Variants in PRR16 observed in about 807,000 individuals in gnomAD.
PRR16 encodes proline rich 16, also known as protein Largen.
PRR16 carries 6 observed loss-of-function variants against 18.2 expected under a neutral mutation model. The observed-to-expected ratio is 0.33, with a 90% CI of 0.18 to 0.65. The LOEUF is 0.65. Among genes scored for constraint, PRR16 ranks in the 30% least tolerant of loss-of-function variants. PRR16 has a pLI of 0.74. For synonymous variants in PRR16, 151 were observed against 147.8 expected, an observed-to-expected ratio of 1.02 and a Z score of -0.16; for missense variants, 412 against 376.6, an observed-to-expected ratio of 1.09 and a Z score of -0.78.
chr5:120,643,902 A>G (rs982545473), intron 1 of PRR16, among the ~76,000 whole-genome samples: 1 of 152,028 alleles, frequency 6.6e-6, no homozygotes, highest in African/African-American at 2.4e-5. Flanking sequence ...CTACTCAGGA[A>G]GCTGAGACAG....
chr5:120,489,299 A>T (rs1408930398), intron 1 of PRR16, among the ~76,000 whole-genome samples: 1 of 152,096 alleles, frequency 6.6e-6, no homozygotes, highest in Admixed American at 6.6e-5. Flanking sequence ...GTCTCTTTGT[A>T]GGTCTCTAAG....
intron 1 of PRR16, among the ~76,000 whole-genome samples, chr5:120,471,983 C>A (rs942682036): frequency 6.6e-6 from 1 of 152,090 alleles, no homozygotes; most frequent in Non-Finnish European, 1.5e-5. Context: ...TTTAAACTCC[C>A]AGACCTCACT....
At chr5:120,630,509 T>A (rs1186573636) in intron 1 of PRR16, among the ~76,000 whole-genome samples, 2 of 152,198 alleles carry the variant, frequency 1.3e-5, no homozygotes, top group Non-Finnish European at 2.9e-5. Context: ...ATTGCCAAGA[T>A]GTATAGGTTC....
chr5:120,547,703 T>G (rs1752117760), intron 1 of PRR16, among the ~76,000 whole-genome samples: 1 of 152,098 alleles, frequency 6.6e-6, no homozygotes, highest in African/African-American at 2.4e-5. Context: ...AGTACTTACT[T>G]ATTTGAAAAT....
chr5:120,699,121 CAAATCCTCG>C, the PRR16 span, among the ~76,000 whole-genome samples: 1 of 151,912 alleles, frequency 6.6e-6, no homozygotes, highest in Non-Finnish European at 1.5e-5. Context: ...TGGGTGGGGG[CAAATCCTCG>C]AGCTTGATGT....
At chr5:120,565,908 T>G (rs1207393831) in intron 1 of PRR16, among the ~76,000 whole-genome samples, 1 of 152,218 alleles carries the variant, frequency 6.6e-6, no homozygotes, top group Non-Finnish European at 1.5e-5. Flanking sequence ...CAAATAATTT[T>G]TCCCCTGAAT....
chr5:120,535,109 G>A (rs917648042), intron 1 of PRR16, among the ~76,000 whole-genome samples: 12 of 147,858 alleles, frequency 8.1e-5, no homozygotes, highest in Admixed American at 7.5e-4. Flanking sequence ...GTGTGTAAAA[G>A]CCTATGTGAG....
intron 1 of PRR16, among the ~76,000 whole-genome samples, chr5:120,506,511 T>C (rs2112850698): frequency 6.6e-6 from 1 of 152,194 alleles, no homozygotes; most frequent in Admixed American, 6.6e-5. Flanking sequence ...TGGCTTAAAG[T>C]TATGCTGGCC....
At chr5:120,754,144 T>TAATATATA in the PRR16 span, among the ~76,000 whole-genome samples, 1 of 31,622 alleles carries the variant, frequency 3.2e-5, no homozygotes, top group African/African-American at 1.1e-4. Flanking sequence ...GCTTAATATA[T>TAATATATA]AATATATAAA....
chr5:120,596,507 T>C (rs1374735501), intron 1 of PRR16, among the ~76,000 whole-genome samples: 2 of 151,788 alleles, frequency 1.3e-5, no homozygotes, highest in African/African-American at 4.8e-5. Context: ...TTTCTCTTCA[T>C]TTTTTTAACA....
chr5:120,641,433 G>A (rs1280345068), intron 1 of PRR16, among the ~76,000 whole-genome samples: 2 of 152,008 alleles, frequency 1.3e-5, no homozygotes, highest in East Asian at 3.9e-4. Flanking sequence ...AAGGGCATAG[G>A]AAAGGGAAGA....
chr5:120,467,832 G>A (rs1336645077), intron 1 of PRR16, among the ~76,000 whole-genome samples: 1 of 151,986 alleles, frequency 6.6e-6, no homozygotes, highest in Non-Finnish European at 1.5e-5. Flanking sequence ...GAAATAATAT[G>A]GGTCCTTTTG....
intron 1 of PRR16, among the ~76,000 whole-genome samples, chr5:120,516,796 A>T (rs1257357364): frequency 6.6e-6 from 1 of 152,114 alleles, no homozygotes; most frequent in African/African-American, 2.4e-5. Context: ...TGCACCATAG[A>T]CTAATGTTAA....
chr5:120,607,994 T>C (rs1435021529), intron 1 of PRR16, among the ~76,000 whole-genome samples: 1 of 152,160 alleles, frequency 6.6e-6, no homozygotes, highest in Non-Finnish European at 1.5e-5. Flanking sequence ...CCAGTAGATA[T>C]CAAATCTAGG....
chr5:120,629,886 C>T lies in PRR16; in HGVS notation c.160-56068C>T, dbSNP rs544577815. Among the ~76,000 whole-genome samples the T allele has an allele frequency of 2.5e-4, 36 of 145,394 alleles. No homozygotes were observed. In the East Asian group the frequency reaches 5.4e-3, roughly 22 times the overall value. On this transcript the variant is annotated intron_variant, in intron 1 of 1. Transcript: ENST00000407149. The stretch of plus-strand genomic sequence containing the variant: ...ATTTTCTGGGCTGCATTGTTGCTTT[C>T]GAGAAGTCTAAAATCAGCTATCAGC...
chr5:120,557,111 T>C (rs1267898445), intron 1 of PRR16, among the ~76,000 whole-genome samples: 2 of 151,924 alleles, frequency 1.3e-5, no homozygotes, highest in African/African-American at 2.4e-5. Flanking sequence ...TCTTAATTTC[T>C]TGAAATCTGT....
chr5:120,578,509 G>C (rs1753156033), intron 1 of PRR16, among the ~76,000 whole-genome samples: 1 of 152,012 alleles, frequency 6.6e-6, no homozygotes, highest in African/African-American at 2.4e-5. Context: ...TTGGTTTTCT[G>C]TCCCTGTGTT....
chr5:120,695,594 A>C, the PRR16 span, among the ~76,000 whole-genome samples: 1 of 152,142 alleles, frequency 6.6e-6, no homozygotes, highest in Non-Finnish European at 1.5e-5. Context: ...CCAATGGAGA[A>C]ACTTTCCTCT....
chr5:120,788,929 C>T, the PRR16 span, among the ~76,000 whole-genome samples: 2 of 151,900 alleles, frequency 1.3e-5, no homozygotes, highest in Non-Finnish European at 2.9e-5. Flanking sequence ...AAAATTATCA[C>T]TTATTAATCT....
Sources: gnomAD v4.1 joint callset for allele counts (sites outside exome capture counted in the v4.1 genomes callset) on GRCh38, gnomAD v4.1.1 for gene constraint, MANE v1.5 for transcripts, NCBI Gene and HGNC (gene_info 2026-07-23, HGNC 2026-07-21) for gene names.